The following ISY1 variants were observed in gnomAD, a reference collection of about 807,000 sequenced individuals.
ISY1 encodes pre-mRNA-splicing factor ISY1 homolog.
Under a neutral mutation model 54.4 loss-of-function variants are expected in ISY1, and 12 were observed. That is an observed-to-expected ratio of 0.22 (90% CI 0.14 to 0.36). ISY1 has a LOEUF of 0.36. ISY1 is among the 10% of genes least tolerant of loss of function. The probability of loss-of-function intolerance (pLI) is 1.00; values close to 1 mark genes in which losing one functional copy is unlikely to be tolerated. For missense variants in ISY1, 282 were observed against 342.2 expected (o/e 0.82, Z 1.39); for synonymous variants, 96 against 117.9 (o/e 0.81, Z 1.20).
intron 3 of ISY1, among the ~76,000 whole-genome samples, 187 bp downstream of exon 3, chr3:129,158,321 G>A (rs1450655165): frequency 6.6e-6 from 1 of 151,646 alleles, no homozygotes; most frequent in Non-Finnish European, 1.5e-5. Flanking sequence ...GCCTGGCTAG[G>A]CTAATCTTTG....
At chr3:129,132,500 G>A (rs1031540480) in intron 9 of ISY1, among the ~76,000 whole-genome samples, 1 of 152,164 alleles carries the variant, frequency 6.6e-6, no homozygotes, top group Admixed American at 6.5e-5. Context: ...CTCAGCACAT[G>A]ATGCGCCCCT....
At chr3:129,155,846 C>T (rs549404780) in intron 5 of ISY1, among the ~76,000 whole-genome samples, 1 of 151,986 alleles carries the variant, frequency 6.6e-6, no homozygotes, top group Non-Finnish European at 1.5e-5. Context: ...CTCAGCCTCC[C>T]AAGTAGCTGG....
chr3:129,154,751 C>T (rs1249327526), intron 5 of ISY1, among the ~76,000 whole-genome samples: 4 of 148,836 alleles, frequency 2.7e-5, no homozygotes, highest in East Asian at 2.0e-4. Flanking sequence ...TGCAGTGGCG[C>T]GATCTCAGCT....
rs575913780 is a variant in ISY1, at chr3:129,159,653, T to C, written c.4-477A>G. Reference sequence around the variant, plus strand: ...GTCACACTAAATGTCAACTCAATTATCCCTGAAACACAGTGTCCAACAGAG... The same window carrying C: ...GTCACACTAAATGTCAACTCAATTACCCCTGAAACACAGTGTCCAACAGAG... On this transcript the variant is annotated intron_variant, in intron 1 of 10. Coordinates refer to ENST00000393295, the MANE Select transcript of ISY1 (RefSeq NM_020701.4). Among the ~76,000 whole-genome samples the C allele has an allele frequency of 2.0e-5, 3 of 152,310 alleles. No homozygotes were observed. The South Asian group carries it at 6.2e-4, about 32-fold the overall frequency.
intron 9 of ISY1, among the ~76,000 whole-genome samples, chr3:129,132,690 C>T (rs1441851724): frequency 6.6e-6 from 1 of 152,214 alleles, no homozygotes; most frequent in Admixed American, 6.5e-5. Context: ...CTATGAGCTA[C>T]ACTCCAAGCC....
chr3:129,154,229 C>G (rs143940959), intron 5 of ISY1, among the ~76,000 whole-genome samples: 9,718 of 134,808 alleles, frequency 0.072, 1,182 homozygotes, highest in African/African-American at 0.26. Flanking sequence ...GGTGACAGAG[C>G]GAGACTCTGT....
chr3:129,130,094 A>G lies in ISY1; in HGVS notation c.845T>C (p.Leu282Pro). The G allele has an allele frequency of 6.2e-7, 1 of 1,605,190 alleles. No individual in the cohort carries two copies. Among genetic ancestry groups the G allele is most frequent in the Non-Finnish European group, 8.5e-7 (1 of 1,176,746 alleles). Residue 282 changes from leucine (L) to proline (P), a missense_variant, in exon 11 of 11, where the codon CTC (leucine) becomes CCC (proline). Leu to Pro is a moderately conservative substitution (Grantham distance 98). Around this residue, in one of 2 missense-constraint regions of ISY1, gnomAD observed 279 missense variants for 323.6 expected, o/e 0.86. Transcript: ENST00000393295. ...LQAQSEEARRLLGY is the reference protein window; with the variant it reads ...LQAQSEEARRPLGY Reference sequence around the variant, plus strand: ...CCCAGCTGGGTCCTAATACCCCAGGAGCCTTCTGGCTTCTTCACTTTGGGC... The same window carrying G: ...CCCAGCTGGGTCCTAATACCCCAGGGGCCTTCTGGCTTCTTCACTTTGGGC...
At chr3:129,154,628 T>C (rs112502118) in intron 5 of ISY1, among the ~76,000 whole-genome samples, 22,490 of 151,444 alleles carry the variant, frequency 0.15, 2,177 homozygotes, top group Non-Finnish European at 0.21. Context: ...TGGTTCCTAA[T>C]ATTCTTAATT....
intron 7 of ISY1, among the ~76,000 whole-genome samples, chr3:129,135,917 C>A (rs74210904): frequency 0.045 from 6,909 of 151,978 alleles, 332 homozygotes; most frequent in East Asian, 0.22. Context: ...ATCCTGCAGC[C>A]CCTGTAATGC....
chr3:129,159,188 G>A lies in ISY1; in HGVS notation c.4-12C>T. On this transcript the variant is annotated splice_polypyrimidine_tract_variant and intron_variant, in intron 1 of 10. Coordinates refer to ENST00000393295, the MANE Select transcript of ISY1 (RefSeq NM_020701.4). ...TCTGCATTTCGGGCCTGGAAAGAGA[G>A]AAAAGAGAAGAAAAATGTCCATGTT... 1.9e-6 allele frequency: 3 copies of A among 1,595,018 alleles called. No homozygotes were observed. Among genetic ancestry groups the A allele is most frequent in the Non-Finnish European group, 1.7e-6 (2 of 1,175,832 alleles).
At chr3:129,159,882 G>T (rs1203112162) in intron 1 of ISY1, among the ~76,000 whole-genome samples, 1 of 152,124 alleles carries the variant, frequency 6.6e-6, no homozygotes, top group Non-Finnish European at 1.5e-5. Context: ...GCAATTTATA[G>T]ACACTCAGCA....
chr3:129,147,835 T>C (rs1415290563), intron 5 of ISY1, among the ~76,000 whole-genome samples: 2 of 152,212 alleles, frequency 1.3e-5, no homozygotes, highest in Non-Finnish European at 2.9e-5. Context: ...TCTGTTCCTA[T>C]AATTTTGCTT....
chr3:129,152,124 AC>A (rs1451333630), intron 5 of ISY1, among the ~76,000 whole-genome samples: 2 of 151,932 alleles, frequency 1.3e-5, no homozygotes, highest in Non-Finnish European at 2.9e-5. Context: ...GCACCACTGC[AC>A]TCCAGCATGG....
At chr3:129,149,427 C>CA (rs767849123) in intron 5 of ISY1, among the ~76,000 whole-genome samples, 546 of 24,200 alleles carry the variant, frequency 0.023, 46 homozygotes, top group African/African-American at 0.028. Flanking sequence ...AACTCTATCT[C>CA]AAAAAAAAAA....
chr3:129,149,940 C>A (rs775143359), intron 5 of ISY1, among the ~76,000 whole-genome samples: 20 of 149,144 alleles, frequency 1.3e-4, no homozygotes, highest in Non-Finnish European at 2.7e-4. Context: ...CACCACTGTA[C>A]TCCAGGCTGG....
intron 5 of ISY1, among the ~76,000 whole-genome samples, chr3:129,148,344 T>G (rs1403770643): frequency 6.6e-6 from 1 of 152,208 alleles, no homozygotes; most frequent in Non-Finnish European, 1.5e-5. Context: ...TATGTTTAAC[T>G]TTATAAGAAA....
chr3:129,143,112 G>A (rs1936669469), intron 6 of ISY1, among the ~76,000 whole-genome samples: 1 of 151,972 alleles, frequency 6.6e-6, no homozygotes, highest in Non-Finnish European at 1.5e-5. Context: ...CTGCTCAGGA[G>A]GCTGAGGTAA....
intron 5 of ISY1, among the ~76,000 whole-genome samples, chr3:129,146,754 A>C (rs149039049): frequency 3.5e-4 from 53 of 152,244 alleles, no homozygotes; most frequent in African/African-American, 1.3e-3. Context: ...TGGATAGTCT[A>C]TTTTTTTAAA....
rs939681146 is a variant in ISY1, at chr3:129,127,470, T to A, written c.*2611A>T. On this transcript the variant is annotated 3_prime_UTR_variant, in exon 11 of 11. Transcript: ENST00000393295. ...CCAAACAAAGCCTCCTGAGATTGGT[T>A]CTGTCACCTCGGAGCCACAAGCTGG... 4 of 152,212 alleles carry A rather than the reference T, an allele frequency of 2.6e-5. No homozygotes were observed. The highest frequency in any genetic ancestry group is 4.8e-5 in the African/African-American group (2 of 41,438). The allele number at this position is 152,212 out of a possible 1,614,324, so 9.4% of individuals were successfully genotyped here. A position where few individuals can be genotyped will look rare whatever the true frequency, so the allele number is the denominator to read the frequency against.
Sources: gnomAD v4.1 joint callset for allele counts (sites outside exome capture counted in the v4.1 genomes callset) on GRCh38, gnomAD v4.1.1 for gene constraint, gnomAD v4.1.1 regional missense constraint, MANE v1.5 for transcripts, NCBI Gene and HGNC (gene_info 2026-07-23, HGNC 2026-07-21) for gene names.